The following CHORDC1 variants were observed in gnomAD, a reference collection of about 807,000 sequenced individuals.
The protein encoded by CHORDC1 is cysteine and histidine rich domain containing 1.
A neutral mutation model predicts 48.3 loss-of-function variants in CHORDC1; 25 were observed. The ratio of observed to expected loss-of-function variants is 0.52; its 90% CI spans 0.38 to 0.72. CHORDC1 has a LOEUF of 0.72. Ranked by LOEUF, CHORDC1 falls within the 30% of genes least tolerant of loss-of-function variation. CHORDC1 has a pLI of 0.00. For missense variants in CHORDC1, 317 were observed against 388.7 expected, an observed-to-expected ratio of 0.82 and a Z score of 1.55; for synonymous variants, 128 against 126.4, an observed-to-expected ratio of 1.01 and a Z score of -0.09.
At chr11:90,205,356 AG>A (rs1857651261) in intron 8 of CHORDC1, 103 bp downstream of exon 8, 1 of 796,716 alleles carries the variant, frequency 1.3e-6, no homozygotes, top group Non-Finnish European at 2.1e-6. Flanking sequence ...GGTGCAAAAA[AG>A]AAAACTTTTT....
intron 5 of CHORDC1, chr11:90,210,865 C>T (rs1857840710): frequency 5.3e-6 from 2 of 377,166 alleles, no homozygotes. Context: ...GGGTGTTTTC[C>T]TCCCATGGTA....
chr11:90,203,899 G>A (rs1458595039), intron 8 of CHORDC1, among the ~76,000 whole-genome samples: 1 of 152,016 alleles, frequency 6.6e-6, no homozygotes, highest in Non-Finnish European at 1.5e-5. Flanking sequence ...AATCTGACCA[G>A]TTATTACTTT....
intron 1 of CHORDC1, 54 bp downstream of exon 1, chr11:90,222,837 C>T: frequency 6.6e-7 from 1 of 1,524,142 alleles, no homozygotes; most frequent in Non-Finnish European, 9.1e-7. Flanking sequence ...CCCAAAGGGC[C>T]TCCCCTGCTG....
At chr11:90,222,680 GGC>G (rs1388970889) in intron 1 of CHORDC1, 2 of 697,658 alleles carry the variant, frequency 2.9e-6, no homozygotes, top group East Asian at 5.5e-5. Flanking sequence ...AGGACAGTCA[GGC>G]GCCGGGGCCG....
intron 2 of CHORDC1, among the ~76,000 whole-genome samples, chr11:90,216,949 C>T (rs1248787291): frequency 6.6e-6 from 1 of 152,042 alleles, no homozygotes; most frequent in East Asian, 1.9e-4. Flanking sequence ...AAGAAAAAGA[C>T]ACAGTAAAAC....
At position 90,217,369 on chromosome 11, in the gene CHORDC1, T is replaced by C. The variant is rs914143311; in HGVS notation, c.114+766A>G. Among the ~76,000 whole-genome samples the C allele has an allele frequency of 1.8e-3, 273 of 152,310 alleles. 2 individuals are homozygous for C. The highest frequency in any genetic ancestry group is 6.1e-3 in the African/African-American group (253 of 41,570). ...ATATACAAAGGAAACTCTTTAAATG[T>C]ATCATACTATCATGAATTTTAAAAA... On this transcript the variant is annotated intron_variant, in intron 2 of 10. Transcript: ENST00000320585.
chr11:90,207,759 T>TAAAAAAAAAAAAA, intron 6 of CHORDC1: 1 of 3,358 alleles, frequency 3.0e-4, no homozygotes, highest in Non-Finnish European at 7.0e-4. Flanking sequence ...ATGGTTAAAA[T>TAAAAAAAAAAAAA]ACAAAAAAAA....
intron 6 of CHORDC1, chr11:90,206,978 T>C (rs7925507): frequency 0.15 from 52,139 of 337,598 alleles, 4,735 homozygotes; most frequent in Non-Finnish European, 0.19. Flanking sequence ...CCTTAAGATA[T>C]TTCACAAGAA....
rs943315338 is a variant in CHORDC1 at position 90,210,701 on chromosome 11, G to T, written c.434-107C>A. ...CAGAAAACAATACTTTTTAGAAAACGACTGTGACTAGGATTTGCTTATATC... is the reference window on the plus strand; with the variant it reads ...CAGAAAACAATACTTTTTAGAAAACTACTGTGACTAGGATTTGCTTATATC... On this transcript the variant is annotated intron_variant, in intron 5 of 10. Transcript: ENST00000320585. 8.6e-6 allele frequency: 6 copies of T among 694,524 alleles called. No individual in the cohort carries two copies. In the African/African-American group the frequency reaches 9.1e-5, roughly 11 times the overall value. 43.0% of individuals were successfully genotyped at this position (694,524 alleles called of 1,614,324 possible).
In CHORDC1 at chr11:90,218,263, T is replaced by G. The variant is rs77975598; in HGVS notation, c.65-79A>C. 2.0e-3 allele frequency: 2,081 copies of G among 1,021,460 alleles called. 37 individuals are homozygous for G. In the African/African-American group the frequency reaches 0.033, roughly 16 times the overall value. 63.3% of individuals were successfully genotyped at this position (1,021,460 alleles called of 1,614,324 possible). A position where few individuals can be genotyped will look rare whatever the true frequency, so the allele number is the denominator to read the frequency against. ...TATATACATGATCATCTCCTTAAGG[T>G]GTTAACCTTTAATCCTTTTTCCAAA... is the stretch of plus-strand genomic sequence containing the variant. On this transcript the variant is annotated intron_variant, in intron 1 of 10. Coordinates refer to ENST00000320585, the MANE Select transcript of CHORDC1 (RefSeq NM_012124.3).
In CHORDC1 at chr11:90,200,782, AG is replaced by A. The variant is rs1857526889; in HGVS notation, c.*1622del. ...CTGTTTAGGGGAAAACAGCCTCAGA[AG>A]GAAGTATGAACAAAAAGGGATATTA... On this transcript the variant is annotated 3_prime_UTR_variant, in exon 11 of 11. Coordinates refer to ENST00000320585, the MANE Select transcript of CHORDC1 (RefSeq NM_012124.3). Among the ~76,000 whole-genome samples, 1 of 152,172 alleles carries A rather than the reference AG, an allele frequency of 6.6e-6. No individual in the cohort carries two copies. Among genetic ancestry groups the A allele is most frequent in the African/African-American group, 2.4e-5 (1 of 41,582 alleles).
intron 6 of CHORDC1, chr11:90,208,128 T>C (rs185506960): frequency 1.8e-4 from 28 of 152,136 alleles, no homozygotes; most frequent in African/African-American, 6.5e-4. Context: ...ACAAAAGTCA[T>C]GCACAAGAAT....
In CHORDC1 at chr11:90,222,981, G is replaced by A. The variant is rs537655123; in HGVS notation, c.-27C>T. Reference sequence around the variant, plus strand: ...TTCTTTTCCCACCGTCACAGGCAAGGCCCAAACACCGGGAACGGCAAGAGG... The same window carrying A: ...TTCTTTTCCCACCGTCACAGGCAAGACCCAAACACCGGGAACGGCAAGAGG... On this transcript the variant is annotated 5_prime_UTR_variant, in exon 1 of 11. Transcript: ENST00000320585. The A allele has an allele frequency of 3.7e-6, 6 of 1,600,546 alleles. No individual in the cohort carries two copies. The highest frequency in any genetic ancestry group is 1.7e-5 in the Admixed American group (1 of 59,916).
rs371552667 is a variant in CHORDC1, at chr11:90,206,215, T to C, written c.550A>G (p.Ile184Val). The change falls in exon 7 of 11, where the codon ATT (isoleucine) becomes GTT (valine). Residue 184 changes from isoleucine (I) to valine (V), a missense_variant. Transcript: ENST00000320585. The stretch of plus-strand genomic sequence containing the variant: ...TGCATAAGTTACCCCTCATGGAAAA[T>C]AGGTACTCCAGAATGATATACACAG... Reference protein sequence around the residue: ...EVCVYHSGVPIFHEGMKYWSC... With the variant: ...EVCVYHSGVPVFHEGMKYWSC... 23 of 1,550,328 alleles carry C rather than the reference T, an allele frequency of 1.5e-5. No individual in the cohort carries two copies. The highest frequency in any genetic ancestry group is 1.1e-4 in the African/African-American group (8 of 73,824).
At chr11:90,205,743 G>A in intron 7 of CHORDC1, 178 bp from the exon 8 acceptor site, 1 of 564,600 alleles carries the variant, frequency 1.8e-6, no homozygotes, top group East Asian at 3.1e-5. Context: ...TGTGGAAACA[G>A]AGTGGAAGAT....
chr11:90,206,677 A>G (rs936719644), intron 6 of CHORDC1: 1 of 665,634 alleles, frequency 1.5e-6, no homozygotes. Flanking sequence ...GAGAAATCTA[A>G]TAAGCAATTC....
intron 8 of CHORDC1, 35 bp from the exon 9 acceptor site, chr11:90,203,462 G>A: frequency 6.7e-7 from 1 of 1,491,762 alleles, no homozygotes; most frequent in Non-Finnish European, 9.1e-7. Flanking sequence ...AGTTAAAAAA[G>A]TGCCACATAA....
chr11:90,220,721 A>C (rs1478161548), intron 1 of CHORDC1, among the ~76,000 whole-genome samples: 2 of 152,278 alleles, frequency 1.3e-5, no homozygotes, highest in East Asian at 3.9e-4. Flanking sequence ...TATCAGTTTT[A>C]AGAGTTTTGG....
intron 1 of CHORDC1, 126 bp downstream of exon 1, chr11:90,222,765 G>A (rs750156626): frequency 1.2e-6 from 1 of 866,830 alleles, no homozygotes; most frequent in South Asian, 1.4e-5. Context: ...GGGAGGCCCA[G>A]GAGGGGCATG....
Sources: gnomAD v4.1 joint callset for allele counts (sites outside exome capture counted in the v4.1 genomes callset) on GRCh38, gnomAD v4.1.1 for gene constraint, MANE v1.5 for transcripts, NCBI Gene and HGNC (gene_info 2026-07-23, HGNC 2026-07-21) for gene names.